Variants in CFAP46 observed in about 807,000 individuals in gnomAD.
CFAP46 encodes the protein cilia- and flagella-associated protein 46.
Under a neutral mutation model 325.7 loss-of-function variants are expected in CFAP46, and 245 were observed. The ratio of observed to expected loss-of-function variants is 0.75; its 90% CI spans 0.68 to 0.84. The LOEUF is 0.84. Among genes scored for constraint, CFAP46 ranks in the 40% least tolerant of loss-of-function variants. The pLI, the probability that CFAP46 is intolerant of heterozygous loss-of-function variation, is 0.00. For missense variants in CFAP46, 3,346 were observed against 3,543.0 expected (o/e 0.94, Z 1.41); for synonymous variants, 1,523 against 1,495.9 (o/e 1.02, Z -0.42).
chr10:132,855,673 C>A (rs1040133985), intron 39 of CFAP46, among the ~76,000 whole-genome samples: 5 of 152,154 alleles, frequency 3.3e-5, no homozygotes, highest in African/African-American at 9.7e-5. Flanking sequence ...TTGGCTCATG[C>A]AGCATACATC....
intron 17 of CFAP46, 108 bp from the exon 18 acceptor site, chr10:132,913,366 G>A: frequency 3.3e-6 from 2 of 609,034 alleles, no homozygotes; most frequent in Non-Finnish European, 2.8e-6. Flanking sequence ...GGCAAGAAGT[G>A]GGAGGGGCGG....
At chr10:132,905,102 C>T (rs930175939) in intron 22 of CFAP46, among the ~76,000 whole-genome samples, 21 of 152,338 alleles carry the variant, frequency 1.4e-4, no homozygotes, top group Admixed American at 9.8e-4. Flanking sequence ...ATGTTATCTG[C>T]GCTTTTCCTT....
intron 8 of CFAP46, 22 bp downstream of exon 8, chr10:132,934,730 T>C: frequency 7.0e-7 from 1 of 1,420,642 alleles, no homozygotes; most frequent in Non-Finnish European, 9.9e-7. Flanking sequence ...AGATGTGATA[T>C]TGGAAAAATA....
At position 132,833,426 on chromosome 10, in the gene CFAP46, G is replaced by A; in HGVS notation, c.7049C>T (p.Thr2350Ile). The A allele has an allele frequency of 6.2e-7, 1 of 1,614,172 alleles. No homozygotes were observed. Among genetic ancestry groups the A allele is most frequent in the Non-Finnish European group, 8.5e-7 (1 of 1,180,032 alleles). ...AAATTCTCGTGACACAGAGGAAATTGTCCCTTCATCGAACACAGAGAGACC... is the reference window on the plus strand; with the variant it reads ...AAATTCTCGTGACACAGAGGAAATTATCCCTTCATCGAACACAGAGAGACC... The part of the protein sequence containing the change: ...LEGLSVFDEG[T>I]ISSVSREFSL... Residue 2350 changes from threonine (T) to isoleucine (I), a missense_variant, in exon 50 of 58, where the codon ACA becomes ATA. Coordinates refer to ENST00000368586, the MANE Select transcript of CFAP46 (RefSeq NM_001200049.3).
At chr10:132,810,107 G>A (rs1371680425) in intron 57 of CFAP46, among the ~76,000 whole-genome samples, 1 of 152,216 alleles carries the variant, frequency 6.6e-6, no homozygotes, top group Non-Finnish European at 1.5e-5. Flanking sequence ...TTGTGTGACT[G>A]GAGCTGTCAA....
intron 45 of CFAP46, 93 bp from the exon 46 acceptor site, chr10:132,836,311 G>A (rs1386569758): frequency 1.0e-5 from 12 of 1,192,560 alleles, no homozygotes; most frequent in African/African-American, 1.5e-5. Flanking sequence ...AGCCCAGTGA[G>A]GCCAACTCTG....
At chr10:132,826,162 A>G (rs71503762) in intron 50 of CFAP46, among the ~76,000 whole-genome samples, 1,807 of 48,032 alleles carry the variant, frequency 0.038, 4 homozygotes, top group Middle Eastern at 0.1. Flanking sequence ...GCCAGGCAGG[A>G]GCCGGAGCCA....
chr10:132,892,991 C>A (rs1015825383), intron 24 of CFAP46, among the ~76,000 whole-genome samples: 1 of 152,204 alleles, frequency 6.6e-6, no homozygotes, highest in Non-Finnish European at 1.5e-5. Flanking sequence ...CAGCCAGCAC[C>A]AGGGAAAGGC....
At chr10:132,811,671 G>A (rs1847584259) in intron 55 of CFAP46, among the ~76,000 whole-genome samples, 1 of 152,246 alleles carries the variant, frequency 6.6e-6, no homozygotes, top group South Asian at 2.1e-4. Context: ...AGGCTGCTGG[G>A]GAGTTGGGGG....
intron 21 of CFAP46, 34 bp downstream of exon 21, chr10:132,909,103 C>G (rs1425122441): frequency 2.0e-6 from 3 of 1,490,958 alleles, no homozygotes; most frequent in Non-Finnish European, 2.7e-6. Context: ...CGCCTCTTGG[C>G]CCCTGGCCTC....
chr10:132,833,910 G>T, intron 49 of CFAP46, 131 bp downstream of exon 49: 1 of 796,710 alleles, frequency 1.3e-6, no homozygotes, highest in Non-Finnish European at 2.1e-6. Context: ...AGGGGAAGGA[G>T]CAGCAGGGCT....
chr10:132,872,106 C>CA (rs1264354180), intron 32 of CFAP46, among the ~76,000 whole-genome samples: 1 of 152,040 alleles, frequency 6.6e-6, no homozygotes, highest in Non-Finnish European at 1.5e-5. Context: ...TCTGGAAAAC[C>CA]AAAAAATTCA....
In CFAP46 at chr10:132,938,625, T is replaced by C; in HGVS notation, c.500A>G (p.Glu167Gly). 1 of 1,613,602 alleles carries C rather than the reference T, an allele frequency of 6.2e-7. No homozygotes were observed. Among genetic ancestry groups the C allele is most frequent in the Non-Finnish European group, 8.5e-7 (1 of 1,179,992 alleles). Residue 167 changes from glutamate to glycine, a missense_variant, in exon 5 of 58, where the codon GAG becomes GGG. Transcript: ENST00000368586. ...AGCACGCCACTCCTTGTCTTCCTCC[T>C]CAGTCTGACTCAGCACGTTTATGAT... ...SQIINVLSQT[E>G]EEDKEWRAEL...
At chr10:132,930,305 C>CCTCCCCACACAGAGCATGGGA (rs1160590498) in intron 8 of CFAP46, among the ~76,000 whole-genome samples, 1 of 150,806 alleles carries the variant, frequency 6.6e-6, no homozygotes, top group Non-Finnish European at 1.5e-5. Flanking sequence ...GAACCTTCCT[C>CCTCCCCACACAGAGCATGGGA]CTCCCCACAC....
chr10:132,818,850 T>A, intron 50 of CFAP46, among the ~76,000 whole-genome samples: 1 of 139,534 alleles, frequency 7.2e-6, no homozygotes. Context: ...TGAGACTCCA[T>A]CTCCAGAAAA....
chr10:132,829,808 T>A (rs1848119891), intron 50 of CFAP46, among the ~76,000 whole-genome samples: 1 of 152,276 alleles, frequency 6.6e-6, no homozygotes, highest in Non-Finnish European at 1.5e-5. Context: ...AGCTTATGAA[T>A]GCGGTGAATT....
At chr10:132,837,449 G>C (rs558791599) in intron 44 of CFAP46, among the ~76,000 whole-genome samples, 1 of 148,608 alleles carries the variant, frequency 6.7e-6, no homozygotes, top group Non-Finnish European at 1.5e-5. Context: ...GTGCATAGAC[G>C]TGCTCACGCG....
Position 132,926,788 on chromosome 10 carries a change from C to T in CFAP46, c.967-122G>A, listed in dbSNP as rs540046224. ...AGAGGTTTAACAAATACAAGTCACA[C>T]GATGACACAAAGACACCTATGACGC... is the stretch of plus-strand genomic sequence containing the variant. On this transcript the variant is annotated intron_variant, in intron 9 of 57. Coordinates refer to ENST00000368586, the MANE Select transcript of CFAP46 (RefSeq NM_001200049.3). 34 of 749,034 alleles carry T rather than the reference C, an allele frequency of 4.5e-5. No individual in the cohort carries two copies. In the South Asian group the frequency reaches 5.1e-4, roughly 11 times the overall value. The allele number at this position is 749,034 out of a possible 1,614,324, so 46.4% of individuals were successfully genotyped here.
chr10:132,940,541 C>T (rs1850081285), intron 4 of CFAP46, among the ~76,000 whole-genome samples: 1 of 152,016 alleles, frequency 6.6e-6, no homozygotes, highest in African/African-American at 2.4e-5. Flanking sequence ...GAGAAGGCGC[C>T]CTGGGGGTGC....
Sources: allele counts gnomAD v4.1 joint callset (sites outside exome capture counted in the v4.1 genomes callset), GRCh38; gene constraint gnomAD v4.1.1; transcripts MANE v1.5; gene names NCBI Gene and HGNC (gene_info 2026-07-23, HGNC 2026-07-21).